MYO5B: variants seen among roughly 807,000 people sequenced by gnomAD.
The protein encoded by MYO5B is unconventional myosin-Vb.
Under a neutral mutation model 229.3 loss-of-function variants are expected in MYO5B, and 143 were observed. The ratio of observed to expected loss-of-function variants is 0.62; its 90% CI spans 0.54 to 0.72. MYO5B has a LOEUF of 0.72. Among genes scored for constraint, MYO5B ranks in the 30% least tolerant of loss-of-function variants. The pLI, the probability that MYO5B is intolerant of heterozygous loss-of-function variation, is 0.00. For synonymous variants in MYO5B, 918 were observed against 885.2 expected (o/e 1.04, Z -0.66); for missense variants, 2,321 against 2,331.0 (o/e 1.00, Z 0.09).
At position 49,839,297 on chromosome 18, in the gene MYO5B, G is replaced by T; in HGVS notation, c.4702-3C>A. On this transcript the variant is annotated splice_region_variant and splice_polypyrimidine_tract_variant and intron_variant, in intron 35 of 39. Transcript: ENST00000285039. ...GCAGTGTTCTGAGTCATGAAGCCCT[G>T]CAGAGGGAGAGGCGTGCACTACTGA... 1 of 1,613,364 alleles carries T rather than the reference G, an allele frequency of 6.2e-7. No individual in the cohort carries two copies. The highest frequency in any genetic ancestry group is 8.5e-7 in the Non-Finnish European group (1 of 1,180,004).
chr18:50,189,556 G>C (rs1217346848), intron 1 of MYO5B, among the ~76,000 whole-genome samples: 2 of 152,202 alleles, frequency 1.3e-5, no homozygotes, highest in Non-Finnish European at 1.5e-5. Context: ...AAAGAGATGG[G>C]TGCTGGCTAT....
At chr18:49,848,504 G>T (rs1171695738) in intron 32 of MYO5B, among the ~76,000 whole-genome samples, 1 of 152,196 alleles carries the variant, frequency 6.6e-6, no homozygotes, top group Non-Finnish European at 1.5e-5. Context: ...GAGTGGAGGT[G>T]GGGGAGAGTG....
rs1007246791 is a variant in MYO5B, at chr18:49,910,329, C to T, written c.2202+1733G>A. Reference sequence around the variant, plus strand: ...TGGTGGTAATCCTGGAGAAATCCAGCGAAGGAACAGAAGAGGGAAACTATG... The same window carrying T: ...TGGTGGTAATCCTGGAGAAATCCAGTGAAGGAACAGAAGAGGGAAACTATG... On this transcript the variant is annotated intron_variant, in intron 18 of 39. Coordinates refer to ENST00000285039, the MANE Select transcript of MYO5B (RefSeq NM_001080467.3). 5.9e-4 allele frequency among the ~76,000 whole-genome samples: 90 copies of T among 152,076 alleles called. 1 individual carries two copies. Among genetic ancestry groups the T allele is most frequent in the Non-Finnish European group, 1.9e-4 (13 of 68,014 alleles).
At chr18:49,849,473 A>G in intron 32 of MYO5B, 94 bp downstream of exon 32, 1 of 908,634 alleles carries the variant, frequency 1.1e-6, no homozygotes, top group Non-Finnish European at 1.9e-6. Flanking sequence ...GTGATGTAGG[A>G]AGAATGTGCA....
intron 9 of MYO5B, among the ~76,000 whole-genome samples, 165 bp from the exon 10 acceptor site, chr18:49,974,780 C>CACACACACACACAG (rs1568054687): frequency 1.2e-4 from 5 of 41,354 alleles, no homozygotes; most frequent in Non-Finnish European, 3.1e-4. Flanking sequence ...CAGTCTCTCT[C>CACACACACACACAG]ACACACACAC....
chr18:50,111,594 G>T (rs1462722695), intron 1 of MYO5B, among the ~76,000 whole-genome samples: 2 of 152,118 alleles, frequency 1.3e-5, no homozygotes, highest in Non-Finnish European at 2.9e-5. Flanking sequence ...CTTCCTTAAG[G>T]GGTCAGTCAT....
intron 6 of MYO5B, 111 bp from the exon 7 acceptor site, chr18:49,990,631 T>A (rs2025921211): frequency 3.5e-6 from 3 of 850,522 alleles, no homozygotes; most frequent in Non-Finnish European, 5.9e-6. Flanking sequence ...CCCCCACTCT[T>A]CCCAGTGTTT....
intron 20 of MYO5B, among the ~76,000 whole-genome samples, chr18:49,903,572 G>C (rs965140935): frequency 5.3e-5 from 8 of 152,174 alleles, no homozygotes; most frequent in African/African-American, 1.9e-4. Flanking sequence ...CCAATGGCCT[G>C]GGTTTCTCTA....
intron 1 of MYO5B, among the ~76,000 whole-genome samples, chr18:50,144,295 A>G (rs1368756724): frequency 1.3e-5 from 2 of 152,218 alleles, no homozygotes; most frequent in Admixed American, 6.5e-5. Flanking sequence ...TTGGACGCAT[A>G]AAGACCTACC....
chr18:49,949,603 T>C (rs879100373), intron 14 of MYO5B, among the ~76,000 whole-genome samples: 5 of 152,124 alleles, frequency 3.3e-5, no homozygotes, highest in Non-Finnish European at 7.4e-5. Flanking sequence ...GTGTCTTCTA[T>C]CCCCTACTGC....
chr18:49,861,705 G>C (rs2024331689), intron 29 of MYO5B, among the ~76,000 whole-genome samples: 1 of 152,094 alleles, frequency 6.6e-6, no homozygotes, highest in Non-Finnish European at 1.5e-5. Context: ...ATTCTACCTT[G>C]ACTCAGGCAC....
chr18:50,001,274 G>A lies in MYO5B; in HGVS notation c.593C>T (p.Ala198Val). 6.2e-7 allele frequency: 1 copy of A among 1,614,208 alleles called. No individual in the cohort carries two copies. The highest frequency in any genetic ancestry group is 8.5e-7 in the Non-Finnish European group (1 of 1,180,018). Reference protein sequence around the residue: ...SETNIEEKVLASSPIMEAIGN... With the variant: ...SETNIEEKVLVSSPIMEAIGN... ...CTTTACCTCCATGATGGGACTGGAT[G>A]CCAGCACCTTCTCTTCGATGTTGGT... is the stretch of plus-strand genomic sequence containing the variant. Residue 198 changes from alanine (A) to valine (V), a missense_variant, in exon 5 of 40, where the codon GCA becomes GTA. This residue lies in a region of MYO5B where 2,113 missense variants were observed against 2,044.7 expected (regional missense o/e 1.03). Transcript: ENST00000285039.
At chr18:50,051,282 T>C (rs1464122748) in intron 2 of MYO5B, among the ~76,000 whole-genome samples, 2 of 152,206 alleles carry the variant, frequency 1.3e-5, no homozygotes, top group Non-Finnish European at 2.9e-5. Flanking sequence ...ACTGAGACGG[T>C]AGAGTGTGTT....
Position 49,962,943 on chromosome 18 carries a change from G to A in MYO5B, c.1404+6C>T. 3 of 1,613,240 alleles carry A rather than the reference G, an allele frequency of 1.9e-6. No homozygotes were observed. Among genetic ancestry groups the A allele is most frequent in the Non-Finnish European group, 2.5e-6 (3 of 1,179,200 alleles). On this transcript the variant is annotated splice_donor_region_variant and intron_variant, in intron 11 of 39. Transcript: ENST00000285039. ...TGGTACCCCCAGGTCTAGAAACCAA[G>A]CCTACCGAGTTGAACTGCTGCTGGA...
chr18:50,066,582 G>A (rs969648071), intron 1 of MYO5B, among the ~76,000 whole-genome samples: 1 of 152,176 alleles, frequency 6.6e-6, no homozygotes, highest in Non-Finnish European at 1.5e-5. Flanking sequence ...GGGTACATTA[G>A]CAAAACGGCA....
chr18:49,885,945 AC>A lies in MYO5B; in HGVS notation c.3046-5491del, dbSNP rs1265923989. Among the ~76,000 whole-genome samples, 5 of 152,056 alleles carry A rather than the reference AC, an allele frequency of 3.3e-5. No homozygotes were observed. In the East Asian group the frequency reaches 9.7e-4, roughly 29 times the overall value. On this transcript the variant is annotated intron_variant, in intron 22 of 39. Coordinates refer to ENST00000285039, the MANE Select transcript of MYO5B (RefSeq NM_001080467.3). Reference sequence around the variant, plus strand: ...AAAAAGATCCAAGCACTTTGTTAACACCCTTTTTTTTGAGACAAGGTCTCAC... The same window carrying A: ...AAAAAGATCCAAGCACTTTGTTAACACCTTTTTTTTGAGACAAGGTCTCAC...
intron 14 of MYO5B, among the ~76,000 whole-genome samples, chr18:49,939,150 T>TTC (rs1162860686): frequency 3.2e-5 from 3 of 94,460 alleles, no homozygotes; most frequent in East Asian, 2.8e-4. Flanking sequence ...TTTTTTTTCT[T>TTC]TTTTTTTTTT....
At chr18:49,862,170 G>C (rs1472273506) in intron 29 of MYO5B, among the ~76,000 whole-genome samples, 1 of 151,952 alleles carries the variant, frequency 6.6e-6, no homozygotes, top group Non-Finnish European at 1.5e-5. Context: ...GCTAATTTTT[G>C]TATTTTTAGT....
chr18:50,168,413 C>T (rs2032883812), intron 1 of MYO5B, among the ~76,000 whole-genome samples: 1 of 152,256 alleles, frequency 6.6e-6, no homozygotes, highest in African/African-American at 2.4e-5. Context: ...CTGTCTCTTC[C>T]ATGAATATGC....
Sources: gnomAD v4.1 joint callset for allele counts (sites outside exome capture counted in the v4.1 genomes callset) on GRCh38, gnomAD v4.1.1 for gene constraint, gnomAD v4.1.1 regional missense constraint, MANE v1.5 for transcripts, NCBI Gene and HGNC (gene_info 2026-07-23, HGNC 2026-07-21) for gene names.